CLNK: variants seen among roughly 807,000 people sequenced by gnomAD.
CLNK encodes the protein cytokine-dependent hematopoietic cell linker.
Under a neutral mutation model 68.6 loss-of-function variants are expected in CLNK, and 74 were observed. The observed-to-expected ratio is 1.08, with a 90% CI of 0.89 to 1.31. CLNK has a LOEUF of 1.31. Among genes scored for constraint, CLNK ranks in the 50% most tolerant of loss-of-function variants. CLNK has a pLI of 0.00. For missense variants in CLNK, 553 were observed against 515.3 expected (o/e 1.07, Z -0.71); for synonymous variants, 198 against 172.2 (o/e 1.15, Z -1.17).
At chr4:10,649,258 T>C (rs957721138) in intron 2 of CLNK, among the ~76,000 whole-genome samples, 2 of 152,198 alleles carry the variant, frequency 1.3e-5, no homozygotes, top group Admixed American at 1.3e-4. Context: ...TAAACAGATA[T>C]CATGATTAAC....
intron 2 of CLNK, among the ~76,000 whole-genome samples, chr4:10,667,439 A>T (rs1411957656): frequency 1.3e-5 from 2 of 149,522 alleles, no homozygotes; most frequent in East Asian, 2.0e-4. Context: ...ATCAGGCACA[A>T]ATTTCGGTGT....
chr4:10,614,037 C>G (rs188761172), intron 2 of CLNK, among the ~76,000 whole-genome samples: 3 of 152,318 alleles, frequency 2.0e-5, no homozygotes, highest in East Asian at 3.9e-4. Flanking sequence ...AGAGCAACAT[C>G]GGACTCATAG....
In CLNK at chr4:10,570,425, T is replaced by C. The variant is rs183264078; in HGVS notation, c.150+1316A>G. Among the ~76,000 whole-genome samples the C allele has an allele frequency of 1.1e-4, 16 of 152,346 alleles. No homozygotes were observed. In the East Asian group the frequency reaches 3.1e-3, roughly 29 times the overall value. ...AGAGAGGAAGAGAGAGAAAGAGACA[T>C]TTGTTTTAAATATAGAGTTATATCT... On this transcript the variant is annotated intron_variant, in intron 5 of 18. Transcript: ENST00000226951.
At chr4:10,662,733 T>G (rs1724241513) in intron 2 of CLNK, among the ~76,000 whole-genome samples, 1 of 152,230 alleles carries the variant, frequency 6.6e-6, no homozygotes, top group South Asian at 2.1e-4. Flanking sequence ...TTTAAGATAT[T>G]ACACATAGAT....
chr4:10,566,907 G>T (rs1482691015), intron 5 of CLNK, among the ~76,000 whole-genome samples: 1 of 151,940 alleles, frequency 6.6e-6, no homozygotes, highest in Middle Eastern at 3.2e-3. Context: ...CAAAAGAAGT[G>T]CAAAATTTGT....
chr4:10,555,639 T>C (rs1719640644), intron 8 of CLNK, among the ~76,000 whole-genome samples: 1 of 152,174 alleles, frequency 6.6e-6, no homozygotes, highest in African/African-American at 2.4e-5. Context: ...AAAATGTACA[T>C]TAACATAAAT....
At chr4:10,631,272 C>G (rs1722880552) in intron 2 of CLNK, among the ~76,000 whole-genome samples, 1 of 152,194 alleles carries the variant, frequency 6.6e-6, no homozygotes, top group Admixed American at 6.5e-5. Flanking sequence ...TATGTGTCCT[C>G]TCTCATAAAG....
At position 10,564,805 on chromosome 4, in the gene CLNK, A is replaced by C. The variant is rs145642616; in HGVS notation, c.293-28T>G. The C allele has an allele frequency of 2.9e-6, 4 of 1,368,650 alleles. No homozygotes were observed. In the African/African-American group the frequency reaches 5.7e-5, roughly 20 times the overall value. The allele number at this position is 1,368,650 out of a possible 1,614,324, so 84.8% of individuals were successfully genotyped here. ...ATGCAAACAGAAAAATATGAAAGTC[A>C]TACCTTACGTGGACTCAGCACATTA... On this transcript the variant is annotated intron_variant, in intron 6 of 18. Coordinates refer to ENST00000226951, the MANE Select transcript of CLNK (RefSeq NM_052964.4).
At chr4:10,632,034 T>C (rs947410589) in intron 2 of CLNK, among the ~76,000 whole-genome samples, 3 of 152,240 alleles carry the variant, frequency 2.0e-5, no homozygotes, top group African/African-American at 7.2e-5. Context: ...TGAATAGCTC[T>C]TGTCTAGGGT....
the CLNK span, among the ~76,000 whole-genome samples, chr4:10,712,655 G>C: frequency 0.039 from 6,006 of 152,300 alleles, 288 homozygotes; most frequent in East Asian, 0.13. Flanking sequence ...ACCAGCCACT[G>C]TTTCTTAGCT....
intron 18 of CLNK, among the ~76,000 whole-genome samples, chr4:10,497,403 G>T (rs1035925444): frequency 1.3e-5 from 2 of 152,110 alleles, no homozygotes; most frequent in African/African-American, 4.8e-5. Context: ...TTCAACACAT[G>T]TATGGGAAAA....
At chr4:10,556,644 G>A (rs948169101) in intron 8 of CLNK, among the ~76,000 whole-genome samples, 1 of 152,194 alleles carries the variant, frequency 6.6e-6, no homozygotes, top group African/African-American at 2.4e-5. Context: ...ATATTATTAT[G>A]ACTGAGGCCA....
intron 2 of CLNK, among the ~76,000 whole-genome samples, chr4:10,628,794 G>A (rs1005374569): frequency 1.3e-5 from 2 of 152,156 alleles, no homozygotes; most frequent in Non-Finnish European, 2.9e-5. Context: ...CAAAGTGTAG[G>A]ATTCTCTGAA....
chr4:10,601,681 G>GGGAA (rs1721596263), intron 2 of CLNK, among the ~76,000 whole-genome samples: 1 of 152,190 alleles, frequency 6.6e-6, no homozygotes, highest in Admixed American at 6.5e-5. Flanking sequence ...TACCCCACCT[G>GGGAA]GGGAGGACAG....
rs75609593 is a variant in CLNK, at chr4:10,660,440, G to A, written c.11+7419C>T. ...AAGGAAATATCCAATACCATTTACC[G>A]TTTTTCAATGATTCATTTAGTGGTA... On this transcript the variant is annotated intron_variant, in intron 2 of 18. Coordinates refer to ENST00000226951, the MANE Select transcript of CLNK (RefSeq NM_052964.4). Among the ~76,000 whole-genome samples the A allele has an allele frequency of 8.5e-3, 1,296 of 152,148 alleles. 20 individuals are homozygous for A. Among genetic ancestry groups the A allele is most frequent in the African/African-American group, 0.028 (1,158 of 41,514 alleles).
intron 15 of CLNK, among the ~76,000 whole-genome samples, chr4:10,516,419 A>G (rs898237129): frequency 1.3e-5 from 2 of 152,228 alleles, no homozygotes; most frequent in South Asian, 2.1e-4. Context: ...ATTAGCAAAT[A>G]CATGCCATTT....
At chr4:10,502,107 T>C (rs1054848239) in intron 17 of CLNK, among the ~76,000 whole-genome samples, 1 of 152,194 alleles carries the variant, frequency 6.6e-6, no homozygotes, top group African/African-American at 2.4e-5. Context: ...CACCATCTGC[T>C]TTGGGGCTCC....
chr4:10,699,684 T>G, the CLNK span, among the ~76,000 whole-genome samples: 326 of 151,254 alleles, frequency 2.2e-3, 2 homozygotes, highest in African/African-American at 7.5e-3. Context: ...TGCTAATTTT[T>G]GTATTTTTTA....
At chr4:10,600,570 C>A (rs899045107) in intron 2 of CLNK, among the ~76,000 whole-genome samples, 3 of 152,066 alleles carry the variant, frequency 2.0e-5, no homozygotes, top group Admixed American at 6.5e-5. Flanking sequence ...TGCATTGGAG[C>A]CTTGCAAGGG....
Sources: gnomAD v4.1 joint callset for allele counts (sites outside exome capture counted in the v4.1 genomes callset) on GRCh38, gnomAD v4.1.1 for gene constraint, MANE v1.5 for transcripts, NCBI Gene and HGNC (gene_info 2026-07-23, HGNC 2026-07-21) for gene names.